Variants in KLRB1 observed in about 807,000 individuals in gnomAD.
KLRB1 encodes killer cell lectin like receptor B1, also known as killer cell lectin-like receptor subfamily B member 1.
Under a neutral mutation model 33.5 loss-of-function variants are expected in KLRB1, and 27 were observed. That is an observed-to-expected ratio of 0.81 (90% CI 0.59 to 1.11). The LOEUF (loss-of-function observed/expected upper bound fraction) is 1.11. Among genes scored for constraint, KLRB1 ranks in the 50% most tolerant of loss-of-function variants. The pLI, the probability that KLRB1 is intolerant of heterozygous loss-of-function variation, is 0.00. For synonymous variants in KLRB1, 64 were observed against 88.9 expected, an observed-to-expected ratio of 0.72 and a Z score of 1.58; for missense variants, 241 against 254.1, an observed-to-expected ratio of 0.95 and a Z score of 0.35.
intron 2 of KLRB1, among the ~76,000 whole-genome samples, chr12:9,600,888 G>T (rs1321467033): frequency 6.6e-6 from 1 of 151,944 alleles, no homozygotes; most frequent in African/African-American, 2.4e-5. Context: ...CACCCGTAAA[G>T]GTTCTGTGCT....
At chr12:9,600,028 A>G (rs1229655788) in intron 2 of KLRB1, among the ~76,000 whole-genome samples, 187 bp from the exon 3 acceptor site, 1 of 152,140 alleles carries the variant, frequency 6.6e-6, no homozygotes, top group African/African-American at 2.4e-5. Context: ...ACAGAAACAA[A>G]TAAGAAAAAA....
chr12:9,595,663 T>C (rs1412399060), intron 5 of KLRB1, among the ~76,000 whole-genome samples: 1 of 152,082 alleles, frequency 6.6e-6, no homozygotes, highest in Non-Finnish European at 1.5e-5. Flanking sequence ...CACAATTACA[T>C]TAAAAAAAGA....
At chr12:9,607,355 C>CTTCCTTCCTTTCTTTCTTT (rs1555097796) in intron 1 of KLRB1, among the ~76,000 whole-genome samples, 6 of 52,772 alleles carry the variant, frequency 1.1e-4, no homozygotes, top group East Asian at 1.0e-3. Context: ...TTTCTTTCTT[C>CTTCCTTCCTTTCTTTCTTT]CTTTCTTTCT....
intron 1 of KLRB1, chr12:9,607,550 C>T (rs1864636622): frequency 2.0e-6 from 1 of 495,674 alleles, no homozygotes; most frequent in Non-Finnish European, 3.7e-6. Context: ...TTCATGCTAA[C>T]TTGATTGAAA....
Position 9,598,515 on chromosome 12 carries a change from C to T in KLRB1, c.398G>A (p.Arg133Gln), listed in dbSNP as rs866792805. ...STKESSLLLI[R>Q]DKDELIHTQN... The stretch of plus-strand genomic sequence containing the variant: ...ATGATTTACCAATTCATCCTTATCT[C>T]GAATAAGCAGCAGGCTGGATTCTTT... Residue 133 changes from arginine to glutamine, a missense_variant, in exon 4 of 6, where the codon CGA becomes CAA. Coordinates refer to ENST00000229402, the MANE Select transcript of KLRB1 (RefSeq NM_002258.3). 7 of 1,609,786 alleles carry T rather than the reference C, an allele frequency of 4.3e-6. No homozygotes were observed. The Admixed American group carries it at 5.1e-5, about 12-fold the overall frequency.
intron 1 of KLRB1, among the ~76,000 whole-genome samples, chr12:9,607,355 C>CTTTCTTTCTTTCTTCCTTTCTTTCTTT (rs1555097796): frequency 1.9e-5 from 1 of 52,706 alleles, no homozygotes; most frequent in Non-Finnish European, 4.4e-5. Flanking sequence ...TTTCTTTCTT[C>CTTTCTTTCTTTCTTCCTTTCTTTCTTT]CTTTCTTTCT....
chr12:9,594,769 G>A lies in KLRB1; in HGVS notation c.*505C>T, dbSNP rs1414516226. On this transcript the variant is annotated 3_prime_UTR_variant, in exon 6 of 6. Coordinates refer to ENST00000229402, the MANE Select transcript of KLRB1 (RefSeq NM_002258.3). ...GGAGATATATTGGTTGCGGGGGGCT[G>A]TAAAATAGGTGAAAGATAGGTGTTT... 8.1e-6 allele frequency: 1 copy of A among 122,706 alleles called. No homozygotes were observed. Among genetic ancestry groups the A allele is most frequent in the South Asian group, 2.1e-4 (1 of 4,666 alleles). 7.6% of individuals were successfully genotyped at this position (122,706 alleles called of 1,614,324 possible). A position where few individuals can be genotyped will look rare whatever the true frequency, so the allele number is the denominator to read the frequency against.
intron 1 of KLRB1, among the ~76,000 whole-genome samples, chr12:9,602,368 T>C (rs187478014): frequency 8.5e-5 from 13 of 152,286 alleles, no homozygotes; most frequent in African/African-American, 3.1e-4. Flanking sequence ...ATCGCAACTT[T>C]ATCAATGTAT....
intron 5 of KLRB1, among the ~76,000 whole-genome samples, chr12:9,596,875 G>A (rs1467917185): frequency 6.6e-6 from 1 of 152,106 alleles, no homozygotes. Context: ...TCATTTATTT[G>A]TAAATAAAAT....
chr12:9,597,024 T>TTATAA (rs1449639318), intron 5 of KLRB1, among the ~76,000 whole-genome samples: 2 of 152,166 alleles, frequency 1.3e-5, no homozygotes, highest in African/African-American at 4.8e-5. Flanking sequence ...ATCTTACACT[T>TTATAA]TATAAAATAT....
chr12:9,607,329 T>C (rs1864620482), intron 1 of KLRB1, among the ~76,000 whole-genome samples: 3 of 54,858 alleles, frequency 5.5e-5, no homozygotes, highest in African/African-American at 1.4e-4. Context: ...TTCTTTCTCT[T>C]TCTTTCCTTT....
intron 2 of KLRB1, 98 bp downstream of exon 2, chr12:9,601,403 A>C: frequency 1.3e-6 from 1 of 778,978 alleles, no homozygotes; most frequent in Non-Finnish European, 2.2e-6. Context: ...AGAAACACCC[A>C]CAGGTGTGTA....
chr12:9,606,774 T>TTTTTTTTTTTTTTTG (rs1864611065), intron 1 of KLRB1, among the ~76,000 whole-genome samples: 2 of 127,258 alleles, frequency 1.6e-5, no homozygotes, highest in South Asian at 2.6e-4. Flanking sequence ...TTTTTTTTTT[T>TTTTTTTTTTTTTTTG]TTGAGATAGT....
At chr12:9,595,539 G>A (rs538759567) in intron 5 of KLRB1, 118 bp from the exon 6 acceptor site, 5 of 881,664 alleles carry the variant, frequency 5.7e-6, no homozygotes, top group Non-Finnish European at 9.1e-6. Flanking sequence ...ATTAAACAAA[G>A]AAGGCACACG....
chr12:9,607,827 C>T lies in KLRB1; in HGVS notation c.13G>A (p.Ala5Thr). The stretch of plus-strand genomic sequence containing the variant: ...GGTAAGTTTAACTCAGCATATATTG[C>T]TTGTTGGTCCATGGCAGACAGAGGA... MDQQAIYAELNLPTD... is the reference protein window; with the variant it reads MDQQTIYAELNLPTD... The change falls in exon 1 of 6, where the codon GCA becomes ACA. Residue 5 changes from alanine to threonine, a missense_variant. Physicochemically the swap from Ala to Thr is moderately conservative, Grantham distance 58. Transcript: ENST00000229402. The T allele has an allele frequency of 6.2e-7, 1 of 1,612,708 alleles. No individual in the cohort carries two copies. Among genetic ancestry groups the T allele is most frequent in the Non-Finnish European group, 8.5e-7 (1 of 1,178,862 alleles).
At chr12:9,603,568 G>A (rs1273398653) in intron 1 of KLRB1, among the ~76,000 whole-genome samples, 2 of 150,990 alleles carry the variant, frequency 1.3e-5, no homozygotes, top group African/African-American at 2.4e-5. Context: ...GGGATTACAG[G>A]CATGCGCCAC....
At chr12:9,606,761 T>TA (rs1491174451) in intron 1 of KLRB1, among the ~76,000 whole-genome samples, 276 of 23,602 alleles carry the variant, frequency 0.012, 21 homozygotes, top group East Asian at 0.019. Context: ...TATATATATA[T>TA]TTTTTTTTTT....
At chr12:9,598,367 C>T (rs1864510565) in intron 4 of KLRB1, 132 bp downstream of exon 4, 1 of 779,320 alleles carries the variant, frequency 1.3e-6, no homozygotes, top group East Asian at 2.6e-5. Context: ...TTTACATATC[C>T]ATGTAGTCAT....
At chr12:9,598,680 T>G in intron 3 of KLRB1, 27 bp from the exon 4 acceptor site, 1 of 1,563,152 alleles carries the variant, frequency 6.4e-7, no homozygotes. Flanking sequence ...AAATAAGAAA[T>G]AAATGTTATA....
Sources: allele counts gnomAD v4.1 joint callset (sites outside exome capture counted in the v4.1 genomes callset), GRCh38; gene constraint gnomAD v4.1.1; transcripts MANE v1.5; gene names NCBI Gene and HGNC (gene_info 2026-07-23, HGNC 2026-07-21).